KCNA1: variants seen among roughly 807,000 people sequenced by gnomAD.
KCNA1 encodes potassium voltage-gated channel subfamily A member 1.
In KCNA1, 19 loss-of-function variants were observed where a neutral mutation model predicts 28.8. That is an observed-to-expected ratio of 0.66 (90% confidence interval 0.46 to 0.97). The LOEUF is 0.97. KCNA1 is among the 50% of genes least tolerant of loss of function. The pLI is 0.00. For synonymous variants in KCNA1, 311 were observed against 268.8 expected (o/e 1.16, Z -1.53); for missense variants, 419 against 659.7 (o/e 0.64, Z 4.00).
chr12:4,910,899 G>A lies in KCNA1; in HGVS notation c.-480G>A. ...CGGCAGGCGAAGAGGGGTAGGAGGG[G>A]GGAGAGCCGAGGAGAAGCAGAGAGG... On this transcript the variant is annotated 5_prime_UTR_variant, in exon 2 of 2. Coordinates refer to ENST00000382545, the MANE Select transcript of KCNA1 (RefSeq NM_000217.3). The surrounding 1 kb of genome is among the most constrained non-coding windows in gnomAD (Gnocchi z 4.9). 5.3e-6 allele frequency: 1 copy of A among 189,286 alleles called. No homozygotes were observed. The highest frequency in any genetic ancestry group is 1.1e-5 in the Non-Finnish European group (1 of 91,336). 11.7% of individuals were successfully genotyped at this position (189,286 alleles called of 1,614,324 possible). A position where few individuals can be genotyped will look rare whatever the true frequency, so the allele number is the denominator to read the frequency against.
chr12:4,911,355 C>T lies in KCNA1; in HGVS notation c.-24C>T, dbSNP rs1198006680. On this transcript the variant is annotated 5_prime_UTR_variant, in exon 2 of 2. Coordinates refer to ENST00000382545, the MANE Select transcript of KCNA1 (RefSeq NM_000217.3). This position sits in a 1 kb window ranked among gnomAD's most constrained non-coding sequence, Gnocchi z 6.6. ...CCACCCCGGGCTCTCTCCTGGCCTC[C>T]CACCCCCGCGCCCGGCTTCCACCAT... 1.2e-6 allele frequency: 2 copies of T among 1,608,724 alleles called. No individual in the cohort carries two copies. The highest frequency in any genetic ancestry group is 1.7e-6 in the Non-Finnish European group (2 of 1,179,016).
Position 4,912,959 on chromosome 12 carries a change from G to C in KCNA1, c.*93G>C. On this transcript the variant is annotated 3_prime_UTR_variant, in exon 2 of 2. Transcript: ENST00000382545. ...AACCTAGTGACTCATGTCACGCTTT[G>C]TAGATACTTTACTAAGTAGACTTGG... is the stretch of plus-strand genomic sequence containing the variant. 1.1e-6 allele frequency: 1 copy of C among 880,116 alleles called. No individual in the cohort carries two copies. The highest frequency in any genetic ancestry group is 2.4e-5 in the East Asian group (1 of 41,430). The allele number at this position is 880,116 out of a possible 1,614,324, so 54.5% of individuals were successfully genotyped here.
At position 4,911,753 on chromosome 12, in the gene KCNA1, G is replaced by A; in HGVS notation, c.375G>A (p.Glu125=). ...EEIKFYELGE[E]AMEKFREDEG... ...TCAAGTTTTACGAGTTGGGCGAGGA[G>A]GCCATGGAGAAGTTCCGGGAGGACG... Residue 125 remains glutamate, a synonymous_variant, in exon 2 of 2, where the codon GAG becomes GAA. Transcript: ENST00000382545. This position sits in a 1 kb window ranked among gnomAD's most constrained non-coding sequence, Gnocchi z 6.6. The A allele has an allele frequency of 6.2e-7, 1 of 1,614,142 alleles. No individual in the cohort carries two copies. Among genetic ancestry groups the A allele is most frequent in the Non-Finnish European group, 8.5e-7 (1 of 1,180,028 alleles).
Position 4,911,772 on chromosome 12 carries a change from G to T in KCNA1, c.394G>T (p.Glu132Ter). The T allele has an allele frequency of 6.2e-7, 1 of 1,614,038 alleles. No individual in the cohort carries two copies. The highest frequency in any genetic ancestry group is 1.7e-5 in the Admixed American group (1 of 60,020). The change falls in exon 2 of 2, where the codon GAG becomes TAG. Residue 132 changes from glutamate (E) to a stop codon, truncating the protein, a stop_gained. Coordinates refer to ENST00000382545, the MANE Select transcript of KCNA1 (RefSeq NM_000217.3). LOFTEE classifies it high-confidence loss of function. This position sits in a 1 kb window ranked among gnomAD's most constrained non-coding sequence, Gnocchi z 6.6. ...LGEEAMEKFR[E>*]DEGFIKEEER... ...CGAGGAGGCCATGGAGAAGTTCCGG[G>T]AGGACGAGGGCTTCATCAAGGAGGA... is the stretch of plus-strand genomic sequence containing the variant.
chr12:4,912,179 C>T lies in KCNA1; in HGVS notation c.801C>T (p.Ile267=). 1.2e-6 allele frequency: 2 copies of T among 1,613,494 alleles called. No homozygotes were observed. The highest frequency in any genetic ancestry group is 1.7e-6 in the Non-Finnish European group (2 of 1,179,810). Residue 267 remains isoleucine (I), a synonymous_variant, in exon 2 of 2, where the codon ATC becomes ATT. Transcript: ENST00000382545. ...TTGTGGCCATCATTCCTTATTTCAT[C>T]ACGCTGGGCACCGAGATAGCTGAGC... ...IDIVAIIPYF[I]TLGTEIAEQE...
rs1309702298 is a variant in KCNA1 at position 4,910,664 on chromosome 12, C to T, written c.-539-176C>T. Among the ~76,000 whole-genome samples, 1 of 152,120 alleles carries T rather than the reference C, an allele frequency of 6.6e-6. No individual in the cohort carries two copies. Among genetic ancestry groups the T allele is most frequent in the African/African-American group, 2.4e-5 (1 of 41,418 alleles). Reference sequence around the variant, plus strand: ...CATTGGGGAAAGTGGGATGGAAGAGCCCCAAACTTGGATTTCCGGGTGTCT... The same window carrying T: ...CATTGGGGAAAGTGGGATGGAAGAGTCCCAAACTTGGATTTCCGGGTGTCT... On this transcript the variant is annotated intron_variant, in intron 1 of 1. Coordinates refer to ENST00000382545, the MANE Select transcript of KCNA1 (RefSeq NM_000217.3). This position sits in a 1 kb window ranked among gnomAD's most constrained non-coding sequence, Gnocchi z 4.9.
chr12:4,911,974 C>A lies in KCNA1; in HGVS notation c.596C>A (p.Thr199Lys). ...LPELKDDKDFTGTVHRIDNTT... is the reference protein window; with the variant it reads ...LPELKDDKDFKGTVHRIDNTT... ...GAGCTGAAGGATGACAAGGACTTCA[C>A]GGGCACCGTCCACCGCATCGACAAC... Residue 199 changes from threonine to lysine, a missense_variant, in exon 2 of 2, where the codon ACG becomes AAG. Transcript: ENST00000382545. This position sits in a 1 kb window ranked among gnomAD's most constrained non-coding sequence, Gnocchi z 6.6. 1 of 1,614,102 alleles carries A rather than the reference C, an allele frequency of 6.2e-7. No homozygotes were observed. Among genetic ancestry groups the A allele is most frequent in the Admixed American group, 1.7e-5 (1 of 60,020 alleles).
chr12:4,914,377 A>T lies in KCNA1; in HGVS notation c.*1511A>T, dbSNP rs1399904154. ...TTGGTGCATTCTTAGGATGTAAATG[A>T]AAATGTTTCTCTATTATATGCATCC... On this transcript the variant is annotated 3_prime_UTR_variant, in exon 2 of 2. Coordinates refer to ENST00000382545, the MANE Select transcript of KCNA1 (RefSeq NM_000217.3). 2 of 166,926 alleles carry T rather than the reference A, an allele frequency of 1.2e-5. No homozygotes were observed. The highest frequency in any genetic ancestry group is 2.9e-5 in the Non-Finnish European group (2 of 68,120). 10.3% of individuals were successfully genotyped at this position (166,926 alleles called of 1,614,324 possible).
At position 4,912,305 on chromosome 12, in the gene KCNA1, T is replaced by G. The variant is rs748518926; in HGVS notation, c.927T>G (p.Ser309=). The G allele has an allele frequency of 2.0e-5, 32 of 1,613,730 alleles. 1 individual carries two copies. The East Asian group carries it at 7.1e-4, about 36-fold the overall frequency. The change falls in exon 2 of 2, where the codon TCT becomes TCG. Residue 309 remains serine, a synonymous_variant. Coordinates refer to ENST00000382545, the MANE Select transcript of KCNA1 (RefSeq NM_000217.3). ...VFRIFKLSRH[S]KGLQILGQTL... is the part of the protein sequence containing the mutation. ...GAATCTTCAAGCTCTCCCGCCACTC[T>G]AAGGGCCTCCAGATCCTGGGCCAGA...
chr12:4,916,219 C>A lies in KCNA1; in HGVS notation c.*3353C>A, dbSNP rs2137677453. 1 of 167,086 alleles carries A rather than the reference C, an allele frequency of 6.0e-6. No homozygotes were observed. The highest frequency in any genetic ancestry group is 2.1e-4 in the South Asian group (1 of 4,814). The allele number at this position is 167,086 out of a possible 1,614,324, so 10.4% of individuals were successfully genotyped here. On this transcript the variant is annotated 3_prime_UTR_variant, in exon 2 of 2. Coordinates refer to ENST00000382545, the MANE Select transcript of KCNA1 (RefSeq NM_000217.3). ...TAGCAGCCTTTTTACCTTTTCTTCC[C>A]CTTCCTAGGCATGGAGCTGTAACAG...
chr12:4,918,157 C>T lies in KCNA1; in HGVS notation c.*5291C>T, dbSNP rs1947396995. The T allele has an allele frequency of 6.0e-6, 1 of 167,200 alleles. No individual in the cohort carries two copies. The highest frequency in any genetic ancestry group is 1.5e-5 in the Non-Finnish European group (1 of 68,112). The allele number at this position is 167,200 out of a possible 1,614,324, so 10.4% of individuals were successfully genotyped here. The stretch of plus-strand genomic sequence containing the variant: ...ATGAATTGAGAACCTAATTGATGCG[C>T]ATAGTTTTCATCTATGCAATTTTAC... On this transcript the variant is annotated 3_prime_UTR_variant, in exon 2 of 2. Coordinates refer to ENST00000382545, the MANE Select transcript of KCNA1 (RefSeq NM_000217.3).
rs886049533 is a variant in KCNA1, at chr12:4,917,102, C to T, written c.*4236C>T. On this transcript the variant is annotated 3_prime_UTR_variant, in exon 2 of 2. Coordinates refer to ENST00000382545, the MANE Select transcript of KCNA1 (RefSeq NM_000217.3). ...GTGAGAATTGGTGGGTGGTAACCAT[C>T]CATAGTATAAAATTGTTAGAAAGAA... The T allele has an allele frequency of 1.2e-5, 2 of 166,978 alleles. No homozygotes were observed. Among genetic ancestry groups the T allele is most frequent in the African/African-American group, 2.4e-5 (1 of 41,402 alleles). The allele number at this position is 166,978 out of a possible 1,614,324, so 10.3% of individuals were successfully genotyped here.
In KCNA1 at chr12:4,916,520, C is replaced by T. The variant is rs1210055675; in HGVS notation, c.*3654C>T. The T allele has an allele frequency of 6.0e-6, 1 of 167,090 alleles. No individual in the cohort carries two copies. Among genetic ancestry groups the T allele is most frequent in the East Asian group, 1.9e-4 (1 of 5,204 alleles). 10.4% of individuals were successfully genotyped at this position (167,090 alleles called of 1,614,324 possible). ...GAAAACTTTCTGTTTTTGCATCTCC[C>T]TTTTCCCATTTGTGCCCAACTCCCC... On this transcript the variant is annotated 3_prime_UTR_variant, in exon 2 of 2. Transcript: ENST00000382545.
chr12:4,912,872 AAAG>A lies in KCNA1; in HGVS notation c.*7_*9del. 6.3e-7 allele frequency: 1 copy of A among 1,599,782 alleles called. No individual in the cohort carries two copies. The highest frequency in any genetic ancestry group is 8.6e-7 in the Non-Finnish European group (1 of 1,167,034). ...AGCTACTGACCGATGTTTAAAAAACAAAGGCAAGCAAACAAAAAAGCCCCACTT... is the reference window on the plus strand; with the variant it reads ...AGCTACTGACCGATGTTTAAAAAACAGCAAGCAAACAAAAAAGCCCCACTT... On this transcript the variant is annotated 3_prime_UTR_variant, in exon 2 of 2. Transcript: ENST00000382545.
At position 4,916,962 on chromosome 12, in the gene KCNA1, T is replaced by A. The variant is rs1173473414; in HGVS notation, c.*4096T>A. 1 of 167,092 alleles carries A rather than the reference T, an allele frequency of 6.0e-6. No individual in the cohort carries two copies. The highest frequency in any genetic ancestry group is 1.5e-5 in the Non-Finnish European group (1 of 68,126). The allele number at this position is 167,092 out of a possible 1,614,324, so 10.4% of individuals were successfully genotyped here. On this transcript the variant is annotated 3_prime_UTR_variant, in exon 2 of 2. Transcript: ENST00000382545. ...AGGAGACCTCAAAACACATGCTTTT[T>A]AACAATTTTACATTTTAATTCTTAG...
chr12:4,913,942 C>T lies in KCNA1; in HGVS notation c.*1076C>T, dbSNP rs1426507873. ...TATGTTAGTCAGATGGGAACAATAA[C>T]TTTTTGGAGCTCAAAGCATGTTCTC... is the stretch of plus-strand genomic sequence containing the variant. On this transcript the variant is annotated 3_prime_UTR_variant, in exon 2 of 2. Coordinates refer to ENST00000382545, the MANE Select transcript of KCNA1 (RefSeq NM_000217.3). 1 of 166,998 alleles carries T rather than the reference C, an allele frequency of 6.0e-6. No individual in the cohort carries two copies. The highest frequency in any genetic ancestry group is 1.5e-5 in the Non-Finnish European group (1 of 68,102). The allele number at this position is 166,998 out of a possible 1,614,324, so 10.3% of individuals were successfully genotyped here. A position where few individuals can be genotyped will look rare whatever the true frequency, so the allele number is the denominator to read the frequency against.
At position 4,912,944 on chromosome 12, in the gene KCNA1, C is replaced by T. The variant is rs1451020546; in HGVS notation, c.*78C>T. 1 of 962,676 alleles carries T rather than the reference C, an allele frequency of 1.0e-6. No homozygotes were observed. Among genetic ancestry groups the T allele is most frequent in the African/African-American group, 1.6e-5 (1 of 62,096 alleles). 59.6% of individuals were successfully genotyped at this position (962,676 alleles called of 1,614,324 possible). ...AAAAACAAAACAGAAAACCTAGTGACTCATGTCACGCTTTGTAGATACTTT... is the reference window on the plus strand; with the variant it reads ...AAAAACAAAACAGAAAACCTAGTGATTCATGTCACGCTTTGTAGATACTTT... On this transcript the variant is annotated 3_prime_UTR_variant, in exon 2 of 2. Coordinates refer to ENST00000382545, the MANE Select transcript of KCNA1 (RefSeq NM_000217.3).
Position 4,913,678 on chromosome 12 carries a change from A to T in KCNA1, c.*812A>T, listed in dbSNP as rs1565433922. 6.0e-6 allele frequency: 1 copy of T among 167,150 alleles called. No individual in the cohort carries two copies. Among genetic ancestry groups the T allele is most frequent in the African/African-American group, 2.4e-5 (1 of 41,482 alleles). 10.4% of individuals were successfully genotyped at this position (167,150 alleles called of 1,614,324 possible). Reference sequence around the variant, plus strand: ...ACCCCTGGCTTTCAGAACTGGATGTAAAACCTTAGCCTCCTTATTGCAAGA... The same window carrying T: ...ACCCCTGGCTTTCAGAACTGGATGTTAAACCTTAGCCTCCTTATTGCAAGA... On this transcript the variant is annotated 3_prime_UTR_variant, in exon 2 of 2. Transcript: ENST00000382545.
rs545243809 is a variant in KCNA1 at position 4,913,499 on chromosome 12, G to A, written c.*633G>A. The A allele has an allele frequency of 6.0e-6, 1 of 167,890 alleles. No individual in the cohort carries two copies. Among genetic ancestry groups the A allele is most frequent in the Admixed American group, 6.5e-5 (1 of 15,370 alleles). The allele number at this position is 167,890 out of a possible 1,614,324, so 10.4% of individuals were successfully genotyped here. ...TTGGATACTGGTCCTGATCTGTAGG[G>A]ATTTCCCCCTGGGCCCATTCTCTTT... is the stretch of plus-strand genomic sequence containing the variant. On this transcript the variant is annotated 3_prime_UTR_variant, in exon 2 of 2. Coordinates refer to ENST00000382545, the MANE Select transcript of KCNA1 (RefSeq NM_000217.3).
Sources: gnomAD v4.1 joint callset for allele counts (sites outside exome capture counted in the v4.1 genomes callset) on GRCh38, gnomAD v4.1.1 for gene constraint, Gnocchi (gnomAD v3.1) non-coding constraint, MANE v1.5 for transcripts, NCBI Gene and HGNC (gene_info 2026-07-23, HGNC 2026-07-21) for gene names.